RPS6KC1: variants seen among roughly 807,000 people sequenced by gnomAD.
The protein encoded by RPS6KC1 is inactive ribosomal protein S6 kinase delta-1.
In RPS6KC1, 54 loss-of-function variants were observed where a neutral mutation model predicts 103.8. The ratio of observed to expected loss-of-function variants is 0.52; its 90% confidence interval spans 0.42 to 0.65. The LOEUF (loss-of-function observed/expected upper bound fraction) is 0.65. Ranked by LOEUF, RPS6KC1 falls within the 30% of genes least tolerant of loss-of-function variation. RPS6KC1 has a pLI of 0.00. For missense variants in RPS6KC1, 1,151 were observed against 1,253.8 expected (o/e 0.92, Z 1.24); for synonymous variants, 439 against 438.7 (o/e 1.00, Z -0.01).
the RPS6KC1 span, among the ~76,000 whole-genome samples, chr1:213,666,670 C>T: frequency 6.6e-6 from 1 of 152,178 alleles, no homozygotes; most frequent in Non-Finnish European, 1.5e-5. Flanking sequence ...CTCCAATTTC[C>T]ATGATCACCA....
At chr1:213,483,278 G>A in the RPS6KC1 span, among the ~76,000 whole-genome samples, 1 of 152,136 alleles carries the variant, frequency 6.6e-6, no homozygotes, top group Non-Finnish European at 1.5e-5. Context: ...CACCCACTGG[G>A]TCCCTCCCAT....
chr1:213,132,275 C>T (rs2085728205), intron 6 of RPS6KC1, among the ~76,000 whole-genome samples: 1 of 152,164 alleles, frequency 6.6e-6, no homozygotes, highest in African/African-American at 2.4e-5. Flanking sequence ...GGATTGGTTT[C>T]TGTTATTAAT....
the RPS6KC1 span, among the ~76,000 whole-genome samples, chr1:213,421,723 C>T: frequency 4.9e-4 from 74 of 152,146 alleles, no homozygotes; most frequent in African/African-American, 1.6e-3. Flanking sequence ...TGGTGTGGTA[C>T]CTGCTACGTG....
intron 3 of RPS6KC1, among the ~76,000 whole-genome samples, chr1:213,080,594 A>G (rs1369168184): frequency 5.9e-5 from 9 of 152,156 alleles, no homozygotes; most frequent in Non-Finnish European, 1.2e-4. Context: ...ATTTTTTGAG[A>G]CAGAGTCTCA....
At chr1:213,323,228 CCCCTG>C in the RPS6KC1 span, among the ~76,000 whole-genome samples, 19 of 152,204 alleles carry the variant, frequency 1.2e-4, no homozygotes, top group African/African-American at 4.6e-4. Flanking sequence ...TAGGATAATT[CCCCTG>C]TTTTAAGATC....
chr1:213,360,619 G>A, the RPS6KC1 span, among the ~76,000 whole-genome samples: 1 of 152,360 alleles, frequency 6.6e-6, no homozygotes, highest in Middle Eastern at 3.4e-3. Flanking sequence ...TTCCTTTGGA[G>A]GAGGAGAAGC....
the RPS6KC1 span, among the ~76,000 whole-genome samples, chr1:213,506,049 G>T: frequency 6.6e-6 from 1 of 152,170 alleles, no homozygotes; most frequent in Non-Finnish European, 1.5e-5. Flanking sequence ...GCTGGAGCCA[G>T]AGTGGGGTAG....
chr1:213,754,591 C>A, the RPS6KC1 span, among the ~76,000 whole-genome samples: 2 of 152,156 alleles, frequency 1.3e-5, no homozygotes, highest in Non-Finnish European at 2.9e-5. Context: ...CCTGTTCCTG[C>A]CACGTAAGAA....
At chr1:213,170,566 G>T (rs1228719799) in intron 7 of RPS6KC1, among the ~76,000 whole-genome samples, 1 of 152,218 alleles carries the variant, frequency 6.6e-6, no homozygotes, top group Non-Finnish European at 1.5e-5. Flanking sequence ...ATCCTAATGG[G>T]AAATTCTATC....
At chr1:213,502,177 T>C in the RPS6KC1 span, among the ~76,000 whole-genome samples, 160 of 152,340 alleles carry the variant, frequency 1.1e-3, 1 homozygote, top group African/African-American at 3.7e-3. Flanking sequence ...TGTAATGTGT[T>C]ACATGAGCAC....
chr1:213,647,420 A>T, the RPS6KC1 span, among the ~76,000 whole-genome samples: 2 of 152,198 alleles, frequency 1.3e-5, no homozygotes, highest in African/African-American at 4.8e-5. Context: ...GATTACTATT[A>T]TTCCAGAAAT....
At chr1:213,624,330 A>C in the RPS6KC1 span, among the ~76,000 whole-genome samples, 2 of 152,228 alleles carry the variant, frequency 1.3e-5, no homozygotes, top group African/African-American at 4.8e-5. Context: ...GTATGTATGC[A>C]ATGATCTTTG....
At chr1:213,159,248 T>C (rs1299535400) in intron 6 of RPS6KC1, among the ~76,000 whole-genome samples, 1 of 152,204 alleles carries the variant, frequency 6.6e-6, no homozygotes, top group African/African-American at 2.4e-5. Context: ...TTTCCTGGCA[T>C]ATGCTTCTTG....
At chr1:213,693,967 C>T in the RPS6KC1 span, among the ~76,000 whole-genome samples, 3 of 152,220 alleles carry the variant, frequency 2.0e-5, no homozygotes, top group African/African-American at 4.8e-5. Context: ...CCCTGGCCCT[C>T]GGTTCAATGG....
intron 5 of RPS6KC1, among the ~76,000 whole-genome samples, chr1:213,124,577 A>G (rs1219421557): frequency 6.6e-6 from 1 of 152,212 alleles, no homozygotes; most frequent in Non-Finnish European, 1.5e-5. Context: ...CAAGCACTGT[A>G]TTAAGCAGAT....
At chr1:213,377,428 A>G in the RPS6KC1 span, among the ~76,000 whole-genome samples, 3 of 152,192 alleles carry the variant, frequency 2.0e-5, 1 homozygote, top group African/African-American at 7.2e-5. Context: ...GAGCTGCTCT[A>G]TTGTTTCAGG....
At chr1:213,078,645 G>A (rs1291500648) in intron 3 of RPS6KC1, among the ~76,000 whole-genome samples, 4 of 152,214 alleles carry the variant, frequency 2.6e-5, no homozygotes, top group Middle Eastern at 3.4e-3. Context: ...CAAGTGGTCC[G>A]CCCGCCTTGA....
chr1:213,699,891 A>AT, the RPS6KC1 span, among the ~76,000 whole-genome samples: 11 of 151,992 alleles, frequency 7.2e-5, no homozygotes, highest in Non-Finnish European at 1.3e-4. Flanking sequence ...TTTTGATCAG[A>AT]TTATTGCATT....
chr1:213,690,403 G>T, the RPS6KC1 span, among the ~76,000 whole-genome samples: 1 of 152,206 alleles, frequency 6.6e-6, no homozygotes, highest in Non-Finnish European at 1.5e-5. Flanking sequence ...AACCAGTGCT[G>T]CATAGCCTTC....
Sources: allele counts gnomAD v4.1 joint callset (sites outside exome capture counted in the v4.1 genomes callset), GRCh38; gene constraint gnomAD v4.1.1; transcripts MANE v1.5; gene names NCBI Gene and HGNC (gene_info 2026-07-23, HGNC 2026-07-21).